The following GRAMD1C variants were observed in gnomAD, a reference collection of about 807,000 sequenced individuals.
The protein encoded by GRAMD1C is protein Aster-C.
In GRAMD1C, 89 loss-of-function variants were observed where a neutral mutation model predicts 97.8. That is an observed-to-expected ratio of 0.91 (90% CI 0.77 to 1.09). The LOEUF (loss-of-function observed/expected upper bound fraction) is 1.09. Among genes scored for constraint, GRAMD1C ranks in the 50% least tolerant of loss-of-function variants. The pLI is 0.00. For missense variants in GRAMD1C, 740 were observed against 766.4 expected, an observed-to-expected ratio of 0.97 and a Z score of 0.41; for synonymous variants, 256 against 267.0, an observed-to-expected ratio of 0.96 and a Z score of 0.40.
At chr3:113,881,739 T>C (rs1350922802) in intron 5 of GRAMD1C, among the ~76,000 whole-genome samples, 6 of 152,160 alleles carry the variant, frequency 3.9e-5, no homozygotes, top group Admixed American at 3.9e-4. Flanking sequence ...GCAAAACAAT[T>C]TGGCCTAAGA....
Position 113,926,237 on chromosome 3 carries a change from T to C in GRAMD1C, c.1091-4477T>C, listed in dbSNP as rs79167810. Among the ~76,000 whole-genome samples the C allele has an allele frequency of 2.1e-3, 319 of 152,232 alleles. No individual in the cohort carries two copies. In the East Asian group the frequency reaches 0.028, roughly 13 times the overall value. On this transcript the variant is annotated intron_variant, in intron 10 of 17. Transcript: ENST00000358160. ...TACATAATCCCATGTTTCTCAGAGG[T>C]TTTGTTCTTTTTTATTCTTTTTTCT...
At chr3:113,843,450 G>C (rs1440653493) in intron 1 of GRAMD1C, among the ~76,000 whole-genome samples, 2 of 151,358 alleles carry the variant, frequency 1.3e-5, no homozygotes, top group Non-Finnish European at 2.9e-5. Flanking sequence ...TTAACTGCCT[G>C]ATGAGTGATC....
Position 113,904,127 on chromosome 3 carries a change from G to A in GRAMD1C, c.657-13G>A. 1 of 1,600,420 alleles carries A rather than the reference G, an allele frequency of 6.2e-7. No individual in the cohort carries two copies. The highest frequency in any genetic ancestry group is 1.1e-5 in the South Asian group (1 of 90,188). On this transcript the variant is annotated splice_polypyrimidine_tract_variant and intron_variant, in intron 7 of 17. Coordinates refer to ENST00000358160, the MANE Select transcript of GRAMD1C (RefSeq NM_017577.5). ...GGTGACCTTATATTTCTATAATGAT[G>A]TGTTTCTTACAGAAGTCCAGGAAGA...
At chr3:113,877,791 T>C (rs1311762269) in intron 5 of GRAMD1C, among the ~76,000 whole-genome samples, 4 of 152,086 alleles carry the variant, frequency 2.6e-5, no homozygotes, top group Non-Finnish European at 4.4e-5. Flanking sequence ...GGTTTTTTTT[T>C]TTTAGAGACG....
chr3:113,884,743 G>A (rs1355297524), intron 6 of GRAMD1C, among the ~76,000 whole-genome samples: 1 of 151,910 alleles, frequency 6.6e-6, no homozygotes, highest in Non-Finnish European at 1.5e-5. Flanking sequence ...GGAGGCTGAG[G>A]CAGGAGAATG....
rs1373702113 is a variant in GRAMD1C at position 113,904,281 on chromosome 3, A to G, written c.789+9A>G. The G allele has an allele frequency of 1.9e-6, 3 of 1,569,110 alleles. No individual in the cohort carries two copies. In the Admixed American group the frequency reaches 5.0e-5, roughly 26 times the overall value. On this transcript the variant is annotated intron_variant, in intron 8 of 17. Transcript: ENST00000358160. ...GAAATTCATCAAAAGGAGTTAGTAT[A>G]TGATATCCCTTTTAAAATATATCTG...
Position 113,876,758 on chromosome 3 carries a change from C to T in GRAMD1C, c.459+498C>T, listed in dbSNP as rs190002187. Among the ~76,000 whole-genome samples the T allele has an allele frequency of 3.7e-3, 563 of 150,482 alleles. 5 individuals carry two copies. Among genetic ancestry groups the T allele is most frequent in the South Asian group, 0.022 (104 of 4,760 alleles). On this transcript the variant is annotated intron_variant, in intron 5 of 17. Coordinates refer to ENST00000358160, the MANE Select transcript of GRAMD1C (RefSeq NM_017577.5). ...ATATATCAAGAATATTTCTTAACCA[C>T]CTGGAAAATTGGTTAGGGCCCTGTG...
At position 113,838,832 on chromosome 3, in the gene GRAMD1C, A is replaced by G. The variant is rs1053340866; in HGVS notation, c.-78A>G. On this transcript the variant is annotated 5_prime_UTR_variant, in exon 1 of 18. Transcript: ENST00000358160. ...GAGGCGCGCGGAGCCTGTAACTCGC[A>G]GCGCGCGCTGGAGGTGGGCGCGGGG... 9.3e-6 allele frequency: 10 copies of G among 1,079,172 alleles called. No individual in the cohort carries two copies. In the South Asian group the frequency reaches 3.7e-4, roughly 40 times the overall value. 66.8% of individuals were successfully genotyped at this position (1,079,172 alleles called of 1,614,324 possible). A position where few individuals can be genotyped will look rare whatever the true frequency, so the allele number is the denominator to read the frequency against.
At chr3:113,875,813 GA>G (rs1471611688) in intron 4 of GRAMD1C, 6 of 402,538 alleles carry the variant, frequency 1.5e-5, no homozygotes, top group East Asian at 4.0e-5. Context: ...TATTTTAATT[GA>G]AAAAAAGCTT....
chr3:113,944,632 C>G (rs1055463293), intron 17 of GRAMD1C, among the ~76,000 whole-genome samples: 1 of 152,138 alleles, frequency 6.6e-6, no homozygotes, highest in Admixed American at 6.5e-5. Flanking sequence ...AATAAAATAT[C>G]TAAGTATATA....
At chr3:113,942,334 C>T (rs1298284377) in intron 17 of GRAMD1C, among the ~76,000 whole-genome samples, 6 of 152,082 alleles carry the variant, frequency 3.9e-5, no homozygotes, top group South Asian at 4.1e-4. Flanking sequence ...TCTTCACCCT[C>T]GTTTTAATTT....
At chr3:113,922,759 C>T (rs933711584) in intron 10 of GRAMD1C, among the ~76,000 whole-genome samples, 3 of 152,040 alleles carry the variant, frequency 2.0e-5, no homozygotes, top group Non-Finnish European at 2.9e-5. Context: ...GGCTATTGGG[C>T]TCTTTTTTGG....
chr3:113,833,451 A>G (rs1030620632), intron 1 of GRAMD1C, among the ~76,000 whole-genome samples: 1 of 151,806 alleles, frequency 6.6e-6, no homozygotes, highest in Admixed American at 6.6e-5. Flanking sequence ...TGTTTTCAAT[A>G]AATACTCTAC....
At position 113,862,823 on chromosome 3, in the gene GRAMD1C, T is replaced by C. The variant is rs925252689; in HGVS notation, c.175-6684T>C. Among the ~76,000 whole-genome samples, 12 of 152,344 alleles carry C rather than the reference T, an allele frequency of 7.9e-5. No homozygotes were observed. The East Asian group carries it at 1.9e-3, about 24-fold the overall frequency. ...ATGTCCATGAAATCTTCACAATTTA[T>C]GTTCTTCTGCCATGGCTTCAGCCGG... On this transcript the variant is annotated intron_variant, in intron 2 of 17. Coordinates refer to ENST00000358160, the MANE Select transcript of GRAMD1C (RefSeq NM_017577.5).
At chr3:113,831,085 T>C (rs1033292162) in intron 1 of GRAMD1C, among the ~76,000 whole-genome samples, 1 of 152,104 alleles carries the variant, frequency 6.6e-6, no homozygotes, top group African/African-American at 2.4e-5. Flanking sequence ...CAAGACTCTG[T>C]CTCAAAAAAC....
chr3:113,875,480 A>C lies in GRAMD1C; in HGVS notation c.260-4A>C. 8.0e-7 allele frequency: 1 copy of C among 1,246,528 alleles called. No individual in the cohort carries two copies. The highest frequency in any genetic ancestry group is 1.2e-6 in the Non-Finnish European group (1 of 843,414). 77.2% of individuals were successfully genotyped at this position (1,246,528 alleles called of 1,614,324 possible). A position where few individuals can be genotyped will look rare whatever the true frequency, so the allele number is the denominator to read the frequency against. ...TAAGCTGTATCTTATTTTTGTGTAT[A>C]TAGATTATGCTTGTGCTCTTCAGAG... On this transcript the variant is annotated splice_polypyrimidine_tract_variant and splice_region_variant and intron_variant, in intron 3 of 17. Transcript: ENST00000358160.
chr3:113,839,313 G>T (rs145925027), intron 1 of GRAMD1C, among the ~76,000 whole-genome samples: 29 of 152,306 alleles, frequency 1.9e-4, no homozygotes, highest in African/African-American at 6.7e-4. Context: ...CTGTTGTAAA[G>T]GTCCGGATAG....
intron 2 of GRAMD1C, among the ~76,000 whole-genome samples, chr3:113,849,876 G>T (rs1933793969): frequency 6.6e-6 from 1 of 152,008 alleles, no homozygotes; most frequent in Non-Finnish European, 1.5e-5. Context: ...CGGCCGGGCA[G>T]AGGCGCCCCT....
chr3:113,850,802 T>C (rs1211874162), intron 2 of GRAMD1C: 1 of 725,268 alleles, frequency 1.4e-6, no homozygotes, highest in Non-Finnish European at 2.0e-6. Context: ...TTTTATTTTT[T>C]TAATTTTTAT....
Sources: gnomAD v4.1 joint callset for allele counts (sites outside exome capture counted in the v4.1 genomes callset) on GRCh38, gnomAD v4.1.1 for gene constraint, MANE v1.5 for transcripts, NCBI Gene and HGNC (gene_info 2026-07-23, HGNC 2026-07-21) for gene names.